Variants in ASIC4 observed in about 807,000 individuals in gnomAD.
ASIC4 encodes the protein acid sensing ion channel subunit family member 4.
A neutral mutation model predicts 53.4 loss-of-function variants in ASIC4; 28 were observed. The observed-to-expected ratio is 0.52, with a 90% CI of 0.39 to 0.72. The LOEUF (loss-of-function observed/expected upper bound fraction) is 0.72, where lower values mean the gene tolerates loss of function less well. Among genes scored for constraint, ASIC4 ranks in the 30% least tolerant of loss-of-function variants. The pLI is 0.00. For synonymous variants in ASIC4, 289 were observed against 301.4 expected, an observed-to-expected ratio of 0.96 and a Z score of 0.43; for missense variants, 649 against 729.7, an observed-to-expected ratio of 0.89 and a Z score of 1.27.
Position 219,518,251 on chromosome 2 carries a change from A to C in ASIC4, c.582+2945A>C, listed in dbSNP as rs576187790. 6.6e-6 allele frequency among the ~76,000 whole-genome samples: 1 copy of C among 152,296 alleles called. No homozygotes were observed. Among genetic ancestry groups the C allele is most frequent in the Admixed American group, 6.5e-5 (1 of 15,304 alleles). On this transcript the variant is annotated intron_variant, in intron 1 of 9. Transcript: ENST00000358078. This position sits in a 1 kb window ranked among gnomAD's most constrained non-coding sequence, Gnocchi z 4.8. ...GACAGGGACACTCAGAAGTTTAAGC[A>C]ACCATGCAAGAGTTAATCAGCCATG...
Position 219,538,275 on chromosome 2 carries a change from C to A in ASIC4, c.*229C>A, listed in dbSNP as rs1476991887. The A allele has an allele frequency of 5.5e-6, 3 of 543,042 alleles. No individual in the cohort carries two copies. The highest frequency in any genetic ancestry group is 9.8e-6 in the Non-Finnish European group (3 of 305,350). 33.6% of individuals were successfully genotyped at this position (543,042 alleles called of 1,614,324 possible). A position where few individuals can be genotyped will look rare whatever the true frequency, so the allele number is the denominator to read the frequency against. On this transcript the variant is annotated 3_prime_UTR_variant, in exon 10 of 10. Coordinates refer to ENST00000358078, the MANE Select transcript of ASIC4 (RefSeq NM_018674.6). ...GCCCCGGGAGGGCTGGAGACCAGGC[C>A]ATGGGCCCTCACGGAGAGGAAGGGA...
At chr2:219,507,622 C>T in the ASIC4 span, among the ~76,000 whole-genome samples, 4 of 152,214 alleles carry the variant, frequency 2.6e-5, no homozygotes, top group African/African-American at 2.4e-5. Flanking sequence ...TCTCAGCCCT[C>T]CTCTCCCAGC....
At chr2:219,514,333 C>T (rs369295055), upstream of ASIC4, 84 of 1,535,636 alleles carry the variant, frequency 5.5e-5, no homozygotes, top group Non-Finnish European at 6.9e-5. Context: ...GTGGGGAGGG[C>T]TCCGGAGCAC....
In ASIC4 at chr2:219,535,291, C is replaced by G. The variant is rs774953081; in HGVS notation, c.1196C>G (p.Ala399Gly). Residue 399 changes from alanine to glycine, a missense_variant, in exon 6 of 10, where the codon GCG becomes GGG. By Grantham distance (60) the Ala-to-Gly change is moderately conservative (BLOSUM62 0). Transcript: ENST00000358078. Reference sequence around the variant, plus strand: ...AACAGGGGCTCAGCCCGGTACCTGGCGAGGAAGTACAACCGCAACGAGACC... The same window carrying G: ...AACAGGGGCTCAGCCCGGTACCTGGGGAGGAAGTACAACCGCAACGAGACC... ...IPNRGSARYL[A>G]RKYNRNETYI... is the part of the protein sequence containing the mutation. The G allele has an allele frequency of 6.2e-7, 1 of 1,612,076 alleles. No individual in the cohort carries two copies. Among genetic ancestry groups the G allele is most frequent in the Non-Finnish European group, 8.5e-7 (1 of 1,179,408 alleles).
intron 4 of ASIC4, 60 bp downstream of exon 4, chr2:219,532,537 G>A (rs747044083): frequency 1.5e-5 from 23 of 1,570,698 alleles, no homozygotes; most frequent in Admixed American, 1.0e-4. Flanking sequence ...AGAGCCTCCC[G>A]GGGCAAGGCA....
At chr2:219,515,453 T>G in intron 1 of ASIC4, 147 bp downstream of exon 1, 1 of 1,172,252 alleles carries the variant, frequency 8.5e-7, no homozygotes, top group Non-Finnish European at 1.2e-6. Context: ...TCCCCAAGCC[T>G]GGCGTCTCCC....
intron 1 of ASIC4, among the ~76,000 whole-genome samples, chr2:219,530,506 T>C (rs987894508): frequency 6.6e-5 from 10 of 152,356 alleles, no homozygotes; most frequent in African/African-American, 2.4e-4. Context: ...ACATGCTCAT[T>C]GAGGGAGATG....
rs778414455 is a variant in ASIC4 at position 219,517,854 on chromosome 2, C to T, written c.582+2548C>T. Reference sequence around the variant, plus strand: ...GGTCAGAGACAGGGACAGGCTTCACCAAGGGGCTGTTATGTGTTTTCTGTT... The same window carrying T: ...GGTCAGAGACAGGGACAGGCTTCACTAAGGGGCTGTTATGTGTTTTCTGTT... On this transcript the variant is annotated intron_variant, in intron 1 of 9. Transcript: ENST00000358078. This position sits in a 1 kb window ranked among gnomAD's most constrained non-coding sequence, Gnocchi z 4.2. Among the ~76,000 whole-genome samples, 5 of 151,974 alleles carry T rather than the reference C, an allele frequency of 3.3e-5. No individual in the cohort carries two copies. Among genetic ancestry groups the T allele is most frequent in the Non-Finnish European group, 7.4e-5 (5 of 67,978 alleles).
upstream of ASIC4, among the ~76,000 whole-genome samples, chr2:219,513,884 G>A (rs568681017): frequency 6.6e-6 from 1 of 152,318 alleles, no homozygotes; most frequent in East Asian, 1.9e-4. Context: ...GAATCTTGAA[G>A]TCACAGTTGT....
At position 219,538,505 on chromosome 2, in the gene ASIC4, G is replaced by C. The variant is rs997603118; in HGVS notation, c.*459G>C. On this transcript the variant is annotated 3_prime_UTR_variant, in exon 10 of 10. Coordinates refer to ENST00000358078, the MANE Select transcript of ASIC4 (RefSeq NM_018674.6). Reference sequence around the variant, plus strand: ...GGATAGGGAGAGCCCCAGGACTCAGGAGTGCTGGGCTGGTCCTACTTCCTG... The same window carrying C: ...GGATAGGGAGAGCCCCAGGACTCAGCAGTGCTGGGCTGGTCCTACTTCCTG... 2 of 190,506 alleles carry C rather than the reference G, an allele frequency of 1.0e-5. No individual in the cohort carries two copies. Among genetic ancestry groups the C allele is most frequent in the East Asian group, 3.3e-4 (2 of 5,978 alleles). The allele number at this position is 190,506 out of a possible 1,614,324, so 11.8% of individuals were successfully genotyped here. A position where few individuals can be genotyped will look rare whatever the true frequency, so the allele number is the denominator to read the frequency against.
At chr2:219,511,520 A>T (rs1336771579), upstream of ASIC4, among the ~76,000 whole-genome samples, 1 of 152,164 alleles carries the variant, frequency 6.6e-6, no homozygotes, top group African/African-American at 2.4e-5. This position sits in a 1 kb window ranked among gnomAD's most constrained non-coding sequence, Gnocchi z 5.3. Context: ...AAATCTGAGG[A>T]ATGGGGACAA....
Position 219,514,567 on chromosome 2 carries a change from C to G in ASIC4, c.-158C>G. 6.4e-7 allele frequency: 1 copy of G among 1,572,578 alleles called. No homozygotes were observed. Among genetic ancestry groups the G allele is most frequent in the Non-Finnish European group, 8.6e-7 (1 of 1,159,302 alleles). ...GCTGCTGGGAGTGGGAGTGACTCCC[C>G]CACCTCGGGCCCCCACCCTGTCCCT... On this transcript the variant is annotated 5_prime_UTR_variant, in exon 1 of 10. Coordinates refer to ENST00000358078, the MANE Select transcript of ASIC4 (RefSeq NM_018674.6).
At chr2:219,528,330 T>C (rs1163482137) in intron 1 of ASIC4, among the ~76,000 whole-genome samples, 2 of 151,528 alleles carry the variant, frequency 1.3e-5, no homozygotes, top group Non-Finnish European at 2.9e-5. Flanking sequence ...TTCAAGCGAT[T>C]CTCCTATCTC....
chr2:219,524,147 G>A (rs1694930308), intron 1 of ASIC4, among the ~76,000 whole-genome samples: 4 of 152,212 alleles, frequency 2.6e-5, no homozygotes, highest in Admixed American at 2.6e-4. Flanking sequence ...ATGAATGAAT[G>A]TCTCTGCAGC....
upstream of ASIC4, among the ~76,000 whole-genome samples, chr2:219,512,654 G>T (rs1694716903): frequency 6.6e-6 from 1 of 152,218 alleles, no homozygotes; most frequent in African/African-American, 2.4e-5. Context: ...GCCACTTTCA[G>T]TGCTAACTCA....
At chr2:219,507,244 C>T in the ASIC4 span, among the ~76,000 whole-genome samples, 7 of 152,244 alleles carry the variant, frequency 4.6e-5, no homozygotes, top group Admixed American at 1.3e-4. Context: ...TCCTCCTCAC[C>T]GGGCCTGGCT....
At chr2:219,535,479 T>A (rs1204775141) in intron 6 of ASIC4, among the ~76,000 whole-genome samples, 155 bp downstream of exon 6, 1 of 150,390 alleles carries the variant, frequency 6.6e-6, no homozygotes, top group Admixed American at 6.6e-5. Context: ...GTGGGGTGTA[T>A]GTGGGTGTGT....
chr2:219,535,475 T>C, intron 6 of ASIC4, 151 bp downstream of exon 6: 1 of 878,712 alleles, frequency 1.1e-6, no homozygotes, highest in Non-Finnish European at 1.7e-6. Context: ...GTGTGTGGGG[T>C]GTATGTGGGT....
In ASIC4 at chr2:219,516,441, G is replaced by A. The variant is rs922659716; in HGVS notation, c.582+1135G>A. 4.0e-5 allele frequency among the ~76,000 whole-genome samples: 6 copies of A among 151,850 alleles called. No individual in the cohort carries two copies. The highest frequency in any genetic ancestry group is 7.3e-5 in the African/African-American group (3 of 41,288). ...CAGTCAGGTATGTGAGGGGGTGGGCGTGTCTTGTACACTGCCTGTCTGTCA... is the reference window on the plus strand; with the variant it reads ...CAGTCAGGTATGTGAGGGGGTGGGCATGTCTTGTACACTGCCTGTCTGTCA... On this transcript the variant is annotated intron_variant, in intron 1 of 9. Transcript: ENST00000358078. This position sits in a 1 kb window ranked among gnomAD's most constrained non-coding sequence, Gnocchi z 4.9.
Sources: gnomAD v4.1 joint callset for allele counts (sites outside exome capture counted in the v4.1 genomes callset) on GRCh38, gnomAD v4.1.1 for gene constraint, Gnocchi (gnomAD v3.1) non-coding constraint, MANE v1.5 for transcripts, NCBI Gene and HGNC (gene_info 2026-07-23, HGNC 2026-07-21) for gene names.